Variants in NPNT observed in about 807,000 individuals in gnomAD.
NPNT encodes preosteoblast EGF-like repeat protein with MAM domain.
In NPNT, 45 loss-of-function variants were observed where a neutral mutation model predicts 68.6. The ratio of observed to expected loss-of-function variants is 0.66; its 90% confidence interval spans 0.52 to 0.84. NPNT has a LOEUF of 0.84. Among genes scored for constraint, NPNT ranks in the 40% least tolerant of loss-of-function variants. The probability of loss-of-function intolerance (pLI) is 0.00; values close to 1 mark genes in which losing one functional copy is unlikely to be tolerated. For missense variants in NPNT, 672 were observed against 714.8 expected, an observed-to-expected ratio of 0.94 and a Z score of 0.68; for synonymous variants, 233 against 253.3, an observed-to-expected ratio of 0.92 and a Z score of 0.76.
chr4:105,937,453 T>TAAAA (rs750526355), intron 4 of NPNT, among the ~76,000 whole-genome samples: 1 of 120,900 alleles, frequency 8.3e-6, no homozygotes, highest in South Asian at 2.6e-4. Flanking sequence ...GATTCCAGGC[T>TAAAA]AAAAAAAAAA....
At chr4:105,960,282 A>G (rs1731618940) in intron 10 of NPNT, among the ~76,000 whole-genome samples, 1 of 152,206 alleles carries the variant, frequency 6.6e-6, no homozygotes, top group African/African-American at 2.4e-5. Flanking sequence ...ACCATACTGG[A>G]TAAGAGCACC....
chr4:105,939,411 G>A (rs1002615423), intron 5 of NPNT, among the ~76,000 whole-genome samples: 1 of 152,192 alleles, frequency 6.6e-6, no homozygotes, highest in Non-Finnish European at 1.5e-5. Context: ...GTGAGTATGA[G>A]GGGTGGTGGC....
intron 11 of NPNT, 125 bp from the exon 12 acceptor site, chr4:105,968,770 T>G (rs1049932989): frequency 2.3e-5 from 14 of 602,480 alleles, no homozygotes; most frequent in Non-Finnish European, 3.6e-5. Flanking sequence ...TATATTCTGT[T>G]TTTTTCCTCC....
At chr4:105,947,548 G>A (rs532278372) in intron 8 of NPNT, among the ~76,000 whole-genome samples, 2 of 152,228 alleles carry the variant, frequency 1.3e-5, no homozygotes, top group South Asian at 4.1e-4. Flanking sequence ...CTAAATTTAT[G>A]AAACTACAGT....
chr4:105,898,312 GTCTCTCTCTCTCTCTGTCTCTCTCTC>G (rs1726070077), intron 2 of NPNT, among the ~76,000 whole-genome samples: 43 of 39,220 alleles, frequency 1.1e-3, no homozygotes, highest in African/African-American at 4.3e-3. Flanking sequence ...CTCTCTCTCT[GTCTCTCTCTCTCTCTGTCTCTCTCTC>G]TCTCTCTCTC....
intron 7 of NPNT, among the ~76,000 whole-genome samples, chr4:105,941,003 AT>A (rs148811922): frequency 0.025 from 3,760 of 152,128 alleles, 85 homozygotes; most frequent in African/African-American, 0.055. Context: ...TATATTCTAC[AT>A]TTTTTTCCCT....
chr4:105,925,895 T>C (rs915293202), intron 2 of NPNT, among the ~76,000 whole-genome samples: 1 of 152,218 alleles, frequency 6.6e-6, no homozygotes, highest in African/African-American at 2.4e-5. Context: ...GCAGTTATGA[T>C]GATAAATGTA....
intron 3 of NPNT, among the ~76,000 whole-genome samples, chr4:105,930,574 G>GT (rs1729035201): frequency 6.6e-6 from 1 of 152,210 alleles, no homozygotes; most frequent in Non-Finnish European, 1.5e-5. Flanking sequence ...ATGCTTCACA[G>GT]ATAAGGGAAA....
chr4:105,916,221 C>CTT (rs113837315), intron 2 of NPNT, among the ~76,000 whole-genome samples: 4 of 146,400 alleles, frequency 2.7e-5, no homozygotes, highest in African/African-American at 7.5e-5. Context: ...TGAATTCGTA[C>CTT]TTTTTTTTTT....
At chr4:105,946,715 C>T (rs1730417858) in intron 8 of NPNT, among the ~76,000 whole-genome samples, 1 of 152,148 alleles carries the variant, frequency 6.6e-6, no homozygotes, top group Admixed American at 6.5e-5. Context: ...ACAAAGATCA[C>T]ATGCTTCTGA....
chr4:105,934,816 C>G (rs1350019215), intron 3 of NPNT, among the ~76,000 whole-genome samples: 1 of 152,052 alleles, frequency 6.6e-6, no homozygotes, highest in Non-Finnish European at 1.5e-5. Context: ...CTTTCAGTTT[C>G]ATGATTCTTA....
intron 2 of NPNT, chr4:105,912,001 T>C: frequency 1.8e-6 from 1 of 553,448 alleles, no homozygotes; most frequent in Non-Finnish European, 3.2e-6. Context: ...AATGTTTTTT[T>C]ATAACAAAAT....
chr4:105,928,310 T>C (rs1253329209), intron 3 of NPNT, among the ~76,000 whole-genome samples: 2 of 152,156 alleles, frequency 1.3e-5, no homozygotes, highest in Admixed American at 1.3e-4. Flanking sequence ...TTAATTAAAT[T>C]CAGTTAAAAA....
At chr4:105,933,106 T>C (rs575289246) in intron 3 of NPNT, among the ~76,000 whole-genome samples, 1 of 152,298 alleles carries the variant, frequency 6.6e-6, no homozygotes, top group East Asian at 1.9e-4. Context: ...TTAGGTTATC[T>C]GAAAATCAAA....
At chr4:105,938,261 T>C in intron 4 of NPNT, 40 bp from the exon 5 acceptor site, 1 of 1,600,930 alleles carries the variant, frequency 6.2e-7, no homozygotes, top group Non-Finnish European at 8.5e-7. Flanking sequence ...ACAGATTTTG[T>C]TTTCTACCTG....
intron 10 of NPNT, 110 bp from the exon 11 acceptor site, chr4:105,967,078 A>G: frequency 9.3e-7 from 1 of 1,072,052 alleles, no homozygotes; most frequent in Non-Finnish European, 1.3e-6. Flanking sequence ...AAAATCTGGA[A>G]TTCTTTACAA....
intron 10 of NPNT, among the ~76,000 whole-genome samples, chr4:105,959,374 G>T (rs969742947): frequency 6.6e-6 from 1 of 152,120 alleles, no homozygotes; most frequent in Non-Finnish European, 1.5e-5. Flanking sequence ...CTCTCAAAAA[G>T]CTTGATAAAT....
rs1732160384 is a variant in NPNT, at chr4:105,966,643, T to A, written c.1346-545T>A. 2.6e-5 allele frequency among the ~76,000 whole-genome samples: 4 copies of A among 152,112 alleles called. No individual in the cohort carries two copies. In the South Asian group the frequency reaches 8.3e-4, roughly 32 times the overall value. ...GAGAAGCTCTGCCAACTCTGATTTTTTTTTTAAAGAACCTTTACGTTTAGA... is the reference window on the plus strand; with the variant it reads ...GAGAAGCTCTGCCAACTCTGATTTTATTTTTAAAGAACCTTTACGTTTAGA... On this transcript the variant is annotated intron_variant, in intron 10 of 11. Coordinates refer to ENST00000379987, the MANE Select transcript of NPNT (RefSeq NM_001033047.3).
At chr4:105,941,210 G>A (rs946603698) in intron 7 of NPNT, among the ~76,000 whole-genome samples, 1 of 152,116 alleles carries the variant, frequency 6.6e-6, no homozygotes, top group East Asian at 1.9e-4. Context: ...GCTGCAGTGC[G>A]CATACCTGTA....
Sources: allele counts gnomAD v4.1 joint callset (sites outside exome capture counted in the v4.1 genomes callset), GRCh38; gene constraint gnomAD v4.1.1; transcripts MANE v1.5; gene names NCBI Gene and HGNC (gene_info 2026-07-23, HGNC 2026-07-21).